The following HPSE2 variants were observed in gnomAD, a reference collection of about 807,000 sequenced individuals.
HPSE2 encodes heparanase 2 (inactive), also known as inactive heparanase-2.
In HPSE2, 38 loss-of-function variants were observed where a neutral mutation model predicts 60.5. The observed-to-expected ratio is 0.63, with a 90% CI of 0.48 to 0.82. The LOEUF (loss-of-function observed/expected upper bound fraction) is 0.82, where lower values mean the gene tolerates loss of function less well. Ranked by LOEUF, HPSE2 falls within the 40% of genes least tolerant of loss-of-function variation. The pLI is 0.00. For missense variants in HPSE2, 713 were observed against 740.4 expected (o/e 0.96, Z 0.43); for synonymous variants, 295 against 293.2 (o/e 1.01, Z -0.06).
chr10:99,168,580 T>C (rs1192356378), intron 2 of HPSE2, among the ~76,000 whole-genome samples: 1 of 152,226 alleles, frequency 6.6e-6, no homozygotes, highest in Non-Finnish European at 1.5e-5. Flanking sequence ...CATAAAACTC[T>C]TGAGTTTCTG....
At position 98,889,507 on chromosome 10, in the gene HPSE2, C is replaced by T. The variant is rs1309082677; in HGVS notation, c.611-145451G>A. On this transcript the variant is annotated intron_variant, in intron 3 of 11. Coordinates refer to ENST00000370552, the MANE Select transcript of HPSE2 (RefSeq NM_021828.5). ...ACAGGCGTGAGCCACTGCACCCAGCCGGTTTTTAAACTTTTATTCTTGGGC... is the reference window on the plus strand; with the variant it reads ...ACAGGCGTGAGCCACTGCACCCAGCTGGTTTTTAAACTTTTATTCTTGGGC... Among the ~76,000 whole-genome samples the T allele has an allele frequency of 4.6e-5, 7 of 151,924 alleles. 1 individual carries two copies. The highest frequency in any genetic ancestry group is 3.9e-4 in the Admixed American group (6 of 15,238).
At chr10:98,906,060 G>A (rs1024720336) in intron 3 of HPSE2, among the ~76,000 whole-genome samples, 2 of 152,148 alleles carry the variant, frequency 1.3e-5, no homozygotes, top group African/African-American at 4.8e-5. Context: ...CCAATGATTG[G>A]TCAATGTGAG....
intron 3 of HPSE2, among the ~76,000 whole-genome samples, chr10:99,066,890 T>C (rs1842635138): frequency 6.6e-6 from 1 of 151,910 alleles, no homozygotes; most frequent in South Asian, 2.1e-4. Flanking sequence ...CAGTCCAAAG[T>C]CTCAACTGAG....
At chr10:98,751,526 T>A (rs2134354933) in intron 3 of HPSE2, among the ~76,000 whole-genome samples, 1 of 152,288 alleles carries the variant, frequency 6.6e-6, no homozygotes, top group African/African-American at 2.4e-5. Context: ...TTTTTCTGTG[T>A]GGTTAAGAAC....
At chr10:98,605,990 T>C (rs1945574055) in intron 9 of HPSE2, among the ~76,000 whole-genome samples, 3 of 152,224 alleles carry the variant, frequency 2.0e-5, no homozygotes, top group African/African-American at 7.2e-5. Flanking sequence ...CCTCCCCTCC[T>C]CATTATTCAA....
intron 3 of HPSE2, among the ~76,000 whole-genome samples, chr10:98,956,864 A>G (rs937695556): frequency 2.0e-5 from 3 of 152,196 alleles, no homozygotes; most frequent in Non-Finnish European, 4.4e-5. Flanking sequence ...AAAGGTAGCC[A>G]TGAAAGGATC....
the HPSE2 span, among the ~76,000 whole-genome samples, chr10:99,252,522 C>G: frequency 6.6e-6 from 1 of 152,088 alleles, no homozygotes; most frequent in Non-Finnish European, 1.5e-5. Context: ...TTTTTATACA[C>G]CAATAATGTT....
chr10:99,058,383 C>G (rs1041073508), intron 3 of HPSE2, among the ~76,000 whole-genome samples: 4 of 152,190 alleles, frequency 2.6e-5, no homozygotes, highest in African/African-American at 9.7e-5. Flanking sequence ...TGTGTTGTCA[C>G]TTCCATTTCC....
intron 9 of HPSE2, among the ~76,000 whole-genome samples, chr10:98,590,792 C>T (rs976518554): frequency 1.3e-5 from 2 of 152,154 alleles, no homozygotes; most frequent in African/African-American, 4.8e-5. Context: ...AGCCAGACTG[C>T]CTGGATTTGA....
At chr10:99,209,001 A>G (rs768677375) in intron 2 of HPSE2, among the ~76,000 whole-genome samples, 5 of 152,326 alleles carry the variant, frequency 3.3e-5, no homozygotes, top group Middle Eastern at 3.4e-3. Context: ...AAATATATAA[A>G]GCAAAAATTA....
intron 3 of HPSE2, among the ~76,000 whole-genome samples, chr10:98,754,768 C>T (rs555867496): frequency 7.4e-5 from 11 of 149,112 alleles, no homozygotes; most frequent in South Asian, 4.3e-4. Context: ...ACTACAGGTG[C>T]CCAATCCAGC....
intron 3 of HPSE2, among the ~76,000 whole-genome samples, chr10:99,077,333 A>G (rs1343291242): frequency 6.6e-6 from 1 of 152,204 alleles, no homozygotes; most frequent in African/African-American, 2.4e-5. Context: ...TCCATCAGGA[A>G]CATTCATAAT....
chr10:99,041,169 A>G (rs1957731416), intron 3 of HPSE2, among the ~76,000 whole-genome samples: 1 of 152,298 alleles, frequency 6.6e-6, no homozygotes, highest in South Asian at 2.1e-4. Context: ...TAATTCCCAA[A>G]GGAAGTTCCA....
At chr10:99,283,354 A>AGAGAAAATAAGAGAAAATAAGAGAAAATC in the HPSE2 span, among the ~76,000 whole-genome samples, 3 of 151,802 alleles carry the variant, frequency 2.0e-5, no homozygotes, top group Non-Finnish European at 4.4e-5. Flanking sequence ...GAGAAAATCA[A>AGAGAAAATAAGAGAAAATAAGAGAAAATC]CAGGCTGGCT....
chr10:99,286,290 C>A, the HPSE2 span, among the ~76,000 whole-genome samples: 1 of 152,176 alleles, frequency 6.6e-6, no homozygotes, highest in Non-Finnish European at 1.5e-5. Context: ...CAGCATTATT[C>A]ACAATAACCT....
intron 3 of HPSE2, among the ~76,000 whole-genome samples, chr10:98,827,539 C>T (rs1464744816): frequency 2.6e-5 from 4 of 152,046 alleles, no homozygotes; most frequent in East Asian, 1.9e-4. Flanking sequence ...TGGTTTGTTA[C>T]GCAGCAACAT....
chr10:99,229,184 A>C (rs990209306), intron 2 of HPSE2, among the ~76,000 whole-genome samples: 6 of 152,260 alleles, frequency 3.9e-5, no homozygotes, highest in African/African-American at 1.2e-4. Context: ...AAAAAAAAAA[A>C]AAAACTTATC....
At chr10:98,551,237 C>T (rs1451991979) in intron 9 of HPSE2, among the ~76,000 whole-genome samples, 1 of 152,018 alleles carries the variant, frequency 6.6e-6, no homozygotes, top group Non-Finnish European at 1.5e-5. Flanking sequence ...GTAAGACAAC[C>T]AGTTGCATGT....
chr10:99,206,322 TG>T (rs1848743989), intron 2 of HPSE2, among the ~76,000 whole-genome samples: 1 of 152,162 alleles, frequency 6.6e-6, no homozygotes, highest in Non-Finnish European at 1.5e-5. Flanking sequence ...ATGCATATGC[TG>T]GGCACAGTGT....
Sources: gnomAD v4.1 joint callset for allele counts (sites outside exome capture counted in the v4.1 genomes callset) on GRCh38, gnomAD v4.1.1 for gene constraint, MANE v1.5 for transcripts, NCBI Gene and HGNC (gene_info 2026-07-23, HGNC 2026-07-21) for gene names.